Variants in E2F2 observed in about 807,000 individuals in gnomAD.
The protein encoded by E2F2 is transcription factor E2F2.
E2F2 carries 22 observed loss-of-function variants against 42.2 expected under a neutral mutation model. That is an observed-to-expected ratio of 0.52 (90% CI 0.37 to 0.74). The LOEUF (loss-of-function observed/expected upper bound fraction) is 0.74, where lower values mean the gene tolerates loss of function less well. Among genes scored for constraint, E2F2 ranks in the 30% least tolerant of loss-of-function variants. The probability of loss-of-function intolerance (pLI) is 0.00; values close to 1 mark genes in which losing one functional copy is unlikely to be tolerated. For synonymous variants in E2F2, 248 were observed against 251.6 expected (o/e 0.99, Z 0.13); for missense variants, 481 against 557.8 (o/e 0.86, Z 1.39).
chr1:23,529,447 C>T (rs1643303218), intron 1 of E2F2, among the ~76,000 whole-genome samples: 1 of 152,216 alleles, frequency 6.6e-6, no homozygotes. Context: ...TGCTTGCTGA[C>T]TAGCACAGGT....
intron 1 of E2F2, among the ~76,000 whole-genome samples, chr1:23,526,401 C>T (rs1185545159): frequency 3.3e-5 from 5 of 152,068 alleles, no homozygotes; most frequent in Admixed American, 6.6e-5. Context: ...CAAGGCTGCA[C>T]ATCCTAGTAT....
chr1:23,523,441 G>GCCA (rs1643190811), intron 2 of E2F2, among the ~76,000 whole-genome samples: 1 of 152,160 alleles, frequency 6.6e-6, no homozygotes, highest in Non-Finnish European at 1.5e-5. Flanking sequence ...ATAGGTGTGA[G>GCCA]CCACCACGCT....
chr1:23,509,871 CA>C lies in E2F2; in HGVS notation c.*8del. 6.5e-7 allele frequency: 1 copy of C among 1,528,434 alleles called. No individual in the cohort carries two copies. The highest frequency in any genetic ancestry group is 1.3e-5 in the South Asian group (1 of 77,484). 94.7% of individuals were successfully genotyped at this position (1,528,434 alleles called of 1,614,324 possible). A position where few individuals can be genotyped will look rare whatever the true frequency, so the allele number is the denominator to read the frequency against. On this transcript the variant is annotated 3_prime_UTR_variant, in exon 7 of 7. Coordinates refer to ENST00000361729, the MANE Select transcript of E2F2 (RefSeq NM_004091.4). ...TCGGGGGCAGGCTGCTGGGGGCAGG[CA>C]GGGCCACTCAATTAATCAACAGGTC...
chr1:23,523,620 GT>G (rs1643194174), intron 2 of E2F2, among the ~76,000 whole-genome samples: 1 of 152,160 alleles, frequency 6.6e-6, no homozygotes, highest in Non-Finnish European at 1.5e-5. Context: ...TCAGCTCCTT[GT>G]CTGCATGTGG....
rs1057232265 is a variant in E2F2, at chr1:23,508,744, T to C, written c.*1136A>G. 7.9e-5 allele frequency: 12 copies of C among 151,652 alleles called. No individual in the cohort carries two copies. Among genetic ancestry groups the C allele is most frequent in the African/African-American group, 2.9e-4 (12 of 41,208 alleles). 9.4% of individuals were successfully genotyped at this position (151,652 alleles called of 1,614,324 possible). Reference sequence around the variant, plus strand: ...CTCTGTCCTTGGGGTCTGAGTGAGCTCTGAGGGGTGGAGTCCTTAATGAAC... The same window carrying C: ...CTCTGTCCTTGGGGTCTGAGTGAGCCCTGAGGGGTGGAGTCCTTAATGAAC... On this transcript the variant is annotated 3_prime_UTR_variant, in exon 7 of 7. Transcript: ENST00000361729.
intron 1 of E2F2, among the ~76,000 whole-genome samples, 198 bp from the exon 2 acceptor site, chr1:23,524,686 G>C (rs1408250970): frequency 6.6e-6 from 1 of 152,190 alleles, no homozygotes; most frequent in East Asian, 1.9e-4. Context: ...GGGAAATCTT[G>C]TTTTCTGAAG....
chr1:23,519,514 T>G (rs1335559173), intron 4 of E2F2: 2 of 156,418 alleles, frequency 1.3e-5, no homozygotes, highest in African/African-American at 4.8e-5. Context: ...CAATTAGATA[T>G]GAAATGATTT....
intron 6 of E2F2, among the ~76,000 whole-genome samples, chr1:23,510,816 G>A (rs746690901): frequency 4.6e-5 from 7 of 152,166 alleles, no homozygotes; most frequent in Non-Finnish European, 1.0e-4. Flanking sequence ...TAGGTACAGA[G>A]TTTCAGTTTT....
chr1:23,511,870 G>T (rs190699087), intron 6 of E2F2, among the ~76,000 whole-genome samples: 34 of 152,270 alleles, frequency 2.2e-4, no homozygotes, highest in African/African-American at 7.9e-4. Flanking sequence ...TACCTCAAAG[G>T]GTTGCTCAGA....
intron 3 of E2F2, 46 bp from the exon 4 acceptor site, chr1:23,521,117 C>T (rs1350803409): frequency 5.8e-6 from 9 of 1,549,276 alleles, no homozygotes; most frequent in Non-Finnish European, 7.8e-6. Context: ...GGTGAAACTC[C>T]AGAACAAGGT....
chr1:23,518,032 A>G (rs1301749949), intron 5 of E2F2, among the ~76,000 whole-genome samples: 3 of 152,104 alleles, frequency 2.0e-5, no homozygotes, highest in Non-Finnish European at 4.4e-5. Context: ...TGTGCTAGGC[A>G]TGGTGGCATG....
Position 23,509,571 on chromosome 1 carries a change from G to A in E2F2, c.*309C>T, listed in dbSNP as rs142089867. The A allele has an allele frequency of 6.7e-6, 2 of 297,110 alleles. No homozygotes were observed. The highest frequency in any genetic ancestry group is 1.5e-4 in the South Asian group (1 of 6,650). The allele number at this position is 297,110 out of a possible 1,614,324, so 18.4% of individuals were successfully genotyped here. On this transcript the variant is annotated 3_prime_UTR_variant, in exon 7 of 7. Coordinates refer to ENST00000361729, the MANE Select transcript of E2F2 (RefSeq NM_004091.4). ...AATTACCCCTCAAAAGGAGGTAGCAGGGCCTTTCCCTGGACTTGGCCACCT... is the reference window on the plus strand; with the variant it reads ...AATTACCCCTCAAAAGGAGGTAGCAAGGCCTTTCCCTGGACTTGGCCACCT...
At chr1:23,510,746 C>T (rs879737984) in intron 6 of E2F2, among the ~76,000 whole-genome samples, 4 of 152,068 alleles carry the variant, frequency 2.6e-5, no homozygotes, top group Admixed American at 2.6e-4. Flanking sequence ...TAGTCAAAAT[C>T]GCAGGGACAG....
At chr1:23,521,587 C>G (rs972891331) in intron 3 of E2F2, 39 of 984,982 alleles carry the variant, frequency 4.0e-5, no homozygotes, top group Non-Finnish European at 4.5e-5. Context: ...AGATGTCATT[C>G]TCCACTCTGC....
intron 6 of E2F2, among the ~76,000 whole-genome samples, chr1:23,511,623 T>C (rs1570453509): frequency 1.3e-5 from 2 of 152,306 alleles, no homozygotes; most frequent in Middle Eastern, 6.8e-3. Context: ...ACATATATCC[T>C]GATGCTCAGA....
At chr1:23,512,892 A>G (rs1642937940) in intron 6 of E2F2, among the ~76,000 whole-genome samples, 1 of 151,146 alleles carries the variant, frequency 6.6e-6, no homozygotes, top group African/African-American at 2.4e-5. Context: ...AGCTCACTGC[A>G]ACGTCTGCTT....
downstream of E2F2, among the ~76,000 whole-genome samples, chr1:23,505,991 T>C (rs1642788633): frequency 6.6e-6 from 1 of 152,116 alleles, no homozygotes; most frequent in African/African-American, 2.4e-5. Context: ...AGAGATGGGG[T>C]TTCACCATGC....
rs1333144457 is a variant in E2F2, at chr1:23,506,988, A to C, written c.*2892T>G. On this transcript the variant is annotated 3_prime_UTR_variant, in exon 7 of 7. Coordinates refer to ENST00000361729, the MANE Select transcript of E2F2 (RefSeq NM_004091.4). ...GGGACACCCTCTGGTCTATTCTAAC[A>C]CCTTTAATGGGAAAGGAGTTAGGAG... The C allele has an allele frequency of 6.6e-6, 1 of 152,100 alleles. No homozygotes were observed. The allele number at this position is 152,100 out of a possible 1,614,324, so 9.4% of individuals were successfully genotyped here.
rs1445745954 is a variant in E2F2 at position 23,530,502 on chromosome 1, G to A, written c.252+40C>T. ...ACCCCTCCCTCCTTTCCCACACCTG[G>A]AAAAGCATAGGGGGAAGCGGTGGGG... On this transcript the variant is annotated intron_variant, in intron 1 of 6. Coordinates refer to ENST00000361729, the MANE Select transcript of E2F2 (RefSeq NM_004091.4). This position sits in a 1 kb window ranked among gnomAD's most constrained non-coding sequence, Gnocchi z 4.4. 1.2e-6 allele frequency: 2 copies of A among 1,603,754 alleles called. No homozygotes were observed. The highest frequency in any genetic ancestry group is 1.7e-6 in the Non-Finnish European group (2 of 1,175,340).
Sources: allele counts gnomAD v4.1 joint callset (sites outside exome capture counted in the v4.1 genomes callset), GRCh38; gene constraint gnomAD v4.1.1; non-coding constraint Gnocchi (gnomAD v3.1); transcripts MANE v1.5; gene names NCBI Gene and HGNC (gene_info 2026-07-23, HGNC 2026-07-21).